ST8SIA2: variants seen among roughly 807,000 people sequenced by gnomAD.
ST8SIA2 encodes ST8 alpha-N-acetyl-neuraminide alpha-2,8-sialyltransferase 2.
Under a neutral mutation model 37.6 loss-of-function variants are expected in ST8SIA2, and 22 were observed. That is an observed-to-expected ratio of 0.58 (90% confidence interval 0.42 to 0.83). ST8SIA2 has a LOEUF of 0.83. Ranked by LOEUF, ST8SIA2 falls within the 40% of genes least tolerant of loss-of-function variation. The probability of loss-of-function intolerance (pLI) is 0.00; values close to 1 mark genes in which losing one functional copy is unlikely to be tolerated. For missense variants in ST8SIA2, 382 were observed against 484.7 expected (o/e 0.79, Z 1.99); for synonymous variants, 205 against 201.2 (o/e 1.02, Z -0.16).
At position 92,466,376 on chromosome 15, in the gene ST8SIA2, T is replaced by C. The variant is rs561661456; in HGVS notation, c.*1991T>C. On this transcript the variant is annotated 3_prime_UTR_variant, in exon 6 of 6. Transcript: ENST00000268164. Reference sequence around the variant, plus strand: ...GATCTCAAAGACCGTAGAAGACATTTAATTTCTAAAGCTTGAAGTGCCCCG... The same window carrying C: ...GATCTCAAAGACCGTAGAAGACATTCAATTTCTAAAGCTTGAAGTGCCCCG... 4 of 152,310 alleles carry C rather than the reference T, an allele frequency of 2.6e-5. No individual in the cohort carries two copies. The South Asian group carries it at 8.3e-4, about 32-fold the overall frequency. 9.4% of individuals were successfully genotyped at this position (152,310 alleles called of 1,614,324 possible).
intron 3 of ST8SIA2, among the ~76,000 whole-genome samples, chr15:92,437,273 C>T (rs1447923944): frequency 6.6e-6 from 1 of 152,148 alleles, no homozygotes; most frequent in Non-Finnish European, 1.5e-5. Flanking sequence ...GGAATCATTT[C>T]TTAAAATCTC....
chr15:92,425,306 A>G (rs1276635132), intron 1 of ST8SIA2, among the ~76,000 whole-genome samples: 4 of 152,368 alleles, frequency 2.6e-5, no homozygotes, highest in South Asian at 2.1e-4. Context: ...TCCCTGTTCT[A>G]TGAACAACTG....
At chr15:92,435,551 G>GC (rs1368636349) in intron 3 of ST8SIA2, among the ~76,000 whole-genome samples, 3 of 152,148 alleles carry the variant, frequency 2.0e-5, no homozygotes, top group Non-Finnish European at 2.9e-5. Flanking sequence ...ACCACGCAGA[G>GC]CAGGGAGTTG....
chr15:92,419,265 A>T (rs1379209193), intron 1 of ST8SIA2, among the ~76,000 whole-genome samples: 3 of 152,232 alleles, frequency 2.0e-5, no homozygotes, highest in African/African-American at 7.2e-5. Context: ...CAGAAGAAGC[A>T]GGGGGTGGAG....
intron 1 of ST8SIA2, among the ~76,000 whole-genome samples, chr15:92,404,994 C>A (rs2141802379): frequency 6.6e-6 from 1 of 152,280 alleles, no homozygotes; most frequent in Admixed American, 6.5e-5. Context: ...GGCGTGGTGG[C>A]TCACCCCTGT....
chr15:92,459,114 C>T (rs1193189014), intron 5 of ST8SIA2, among the ~76,000 whole-genome samples: 1 of 152,142 alleles, frequency 6.6e-6, no homozygotes, highest in Non-Finnish European at 1.5e-5. Context: ...ATCGCTGATT[C>T]GATTCCTCTC....
chr15:92,440,118 G>A (rs2049790539), intron 4 of ST8SIA2, among the ~76,000 whole-genome samples: 1 of 152,190 alleles, frequency 6.6e-6, no homozygotes, highest in Admixed American at 6.5e-5. Context: ...CTTTCACATA[G>A]TCAGCAGCGC....
intron 2 of ST8SIA2, among the ~76,000 whole-genome samples, chr15:92,433,143 A>G (rs2049729081): frequency 6.6e-6 from 1 of 152,026 alleles, no homozygotes. Flanking sequence ...AAAAAAAAAA[A>G]GAAAAAAGTC....
chr15:92,448,380 C>A (rs760724794), intron 5 of ST8SIA2, among the ~76,000 whole-genome samples: 37 of 152,166 alleles, frequency 2.4e-4, no homozygotes, highest in Admixed American at 3.3e-4. Context: ...CTTGGTGGGA[C>A]CTTACCTGGT....
intron 1 of ST8SIA2, among the ~76,000 whole-genome samples, chr15:92,409,916 T>A (rs2049537284): frequency 6.6e-6 from 1 of 152,216 alleles, no homozygotes; most frequent in Non-Finnish European, 1.5e-5. Flanking sequence ...ACTGAAAAGA[T>A]GAGTACAGCA....
intron 2 of ST8SIA2, 128 bp downstream of exon 2, chr15:92,430,239 C>T (rs1422310367): frequency 4.2e-6 from 4 of 954,918 alleles, no homozygotes; most frequent in Admixed American, 2.0e-5. Flanking sequence ...TTTGGCTTTG[C>T]ATTTCCCTAA....
rs2141830875 is a variant in ST8SIA2, at chr15:92,434,122, A to G, written c.162-125A>G. On this transcript the variant is annotated intron_variant, in intron 2 of 5. Coordinates refer to ENST00000268164, the MANE Select transcript of ST8SIA2 (RefSeq NM_006011.4). ...ATAGACTTCCTTCTCTTCTCAGGTAATAACTGCAATTTTGCTCTTCTGGAG... is the reference window on the plus strand; with the variant it reads ...ATAGACTTCCTTCTCTTCTCAGGTAGTAACTGCAATTTTGCTCTTCTGGAG... 2.2e-6 allele frequency: 3 copies of G among 1,352,938 alleles called. 1 individual carries two copies. The Admixed American group carries it at 5.1e-5, about 23-fold the overall frequency. The allele number at this position is 1,352,938 out of a possible 1,614,324, so 83.8% of individuals were successfully genotyped here. A position where few individuals can be genotyped will look rare whatever the true frequency, so the allele number is the denominator to read the frequency against.
At position 92,466,046 on chromosome 15, in the gene ST8SIA2, A is replaced by G. The variant is rs2049989703; in HGVS notation, c.*1661A>G. On this transcript the variant is annotated 3_prime_UTR_variant, in exon 6 of 6. Transcript: ENST00000268164. ...ATATGAGACCAGATGTAATTAATCA[A>G]TGGCAATGCAGAACAGGACCTTGGC... The G allele has an allele frequency of 6.6e-6, 1 of 152,216 alleles. No homozygotes were observed. Among genetic ancestry groups the G allele is most frequent in the African/African-American group, 2.4e-5 (1 of 41,452 alleles). The allele number at this position is 152,216 out of a possible 1,614,324, so 9.4% of individuals were successfully genotyped here.
At chr15:92,427,130 TGTTA>T (rs768959732) in intron 1 of ST8SIA2, among the ~76,000 whole-genome samples, 24 of 152,064 alleles carry the variant, frequency 1.6e-4, no homozygotes, top group Non-Finnish European at 2.8e-4. Context: ...GTGATGGATA[TGTTA>T]GTTAGCTTCA....
In ST8SIA2 at chr15:92,466,857, T is replaced by G. The variant is rs757127325; in HGVS notation, c.*2472T>G. 1 of 152,388 alleles carries G rather than the reference T, an allele frequency of 6.6e-6. No homozygotes were observed. Among genetic ancestry groups the G allele is most frequent in the Non-Finnish European group, 1.5e-5 (1 of 68,186 alleles). 9.4% of individuals were successfully genotyped at this position (152,388 alleles called of 1,614,324 possible). ...CCTTCTCCATCTGGGCCAATTGTCC[T>G]TCCCTGCCCATTCAGAGTTCAATTT... On this transcript the variant is annotated 3_prime_UTR_variant, in exon 6 of 6. Coordinates refer to ENST00000268164, the MANE Select transcript of ST8SIA2 (RefSeq NM_006011.4).
intron 3 of ST8SIA2, among the ~76,000 whole-genome samples, chr15:92,437,031 G>C (rs893755158): frequency 1.3e-5 from 2 of 152,196 alleles, no homozygotes; most frequent in African/African-American, 4.8e-5. Context: ...ACGTACCATA[G>C]GTTGTGAACA....
At chr15:92,396,142 G>T (rs2049428927) in intron 1 of ST8SIA2, among the ~76,000 whole-genome samples, 1 of 152,180 alleles carries the variant, frequency 6.6e-6, no homozygotes, top group South Asian at 2.1e-4. Flanking sequence ...CAAGTACGAT[G>T]TGTCACCTCC....
intron 1 of ST8SIA2, among the ~76,000 whole-genome samples, chr15:92,408,213 G>A (rs572509199): frequency 6.6e-6 from 1 of 151,538 alleles, no homozygotes; most frequent in South Asian, 2.1e-4. Context: ...CTCCAAGAGA[G>A]GGTGGTCCCA....
intron 1 of ST8SIA2, among the ~76,000 whole-genome samples, chr15:92,414,287 G>A (rs1421853974): frequency 1.3e-5 from 2 of 152,198 alleles, no homozygotes; most frequent in Non-Finnish European, 1.5e-5. Flanking sequence ...GATCTGACTG[G>A]GTGAAGCTCT....
Sources: gnomAD v4.1 joint callset for allele counts (sites outside exome capture counted in the v4.1 genomes callset) on GRCh38, gnomAD v4.1.1 for gene constraint, MANE v1.5 for transcripts, NCBI Gene and HGNC (gene_info 2026-07-23, HGNC 2026-07-21) for gene names.